The following SLC24A2 variants were observed in gnomAD, a reference collection of about 807,000 sequenced individuals.
SLC24A2 encodes the protein sodium/potassium/calcium exchanger 2.
SLC24A2 carries 36 observed loss-of-function variants against 62.0 expected under a neutral mutation model. That is an observed-to-expected ratio of 0.58 (90% CI 0.44 to 0.77). SLC24A2 has a LOEUF of 0.77. Ranked by LOEUF, SLC24A2 falls within the 30% of genes least tolerant of loss-of-function variation. SLC24A2 has a pLI of 0.00. For missense variants in SLC24A2, 846 were observed against 817.9 expected, an observed-to-expected ratio of 1.03 and a Z score of -0.42; for synonymous variants, 358 against 294.0, an observed-to-expected ratio of 1.22 and a Z score of -2.23.
At chr9:20,068,367 G>A in the SLC24A2 span, among the ~76,000 whole-genome samples, 1 of 151,922 alleles carries the variant, frequency 6.6e-6, no homozygotes, top group African/African-American at 2.4e-5. Flanking sequence ...TAGCCTTCTT[G>A]ACTTTTTAAT....
chr9:20,199,964 C>T, the SLC24A2 span, among the ~76,000 whole-genome samples: 1 of 150,488 alleles, frequency 6.6e-6, no homozygotes, highest in East Asian at 1.9e-4. Context: ...CTCCTGACCT[C>T]AGGTGATCCG....
At chr9:20,249,191 G>A in the SLC24A2 span, among the ~76,000 whole-genome samples, 2 of 152,168 alleles carry the variant, frequency 1.3e-5, no homozygotes, top group Non-Finnish European at 2.9e-5. Flanking sequence ...TAACCTGGTT[G>A]CCTCAAAGAG....
At chr9:19,751,383 A>G (rs1455965075) in intron 2 of SLC24A2, among the ~76,000 whole-genome samples, 2 of 152,168 alleles carry the variant, frequency 1.3e-5, no homozygotes, top group Non-Finnish European at 2.9e-5. Context: ...TCACCTACAA[A>G]GTAGAAGCAC....
intron 2 of SLC24A2, among the ~76,000 whole-genome samples, chr9:19,675,312 A>G (rs1361806278): frequency 6.6e-6 from 1 of 152,144 alleles, no homozygotes; most frequent in East Asian, 1.9e-4. Flanking sequence ...TGTTTATTGC[A>G]CTAGTTTTGT....
the SLC24A2 span, among the ~76,000 whole-genome samples, chr9:20,020,554 C>T: frequency 6.6e-6 from 1 of 152,002 alleles, no homozygotes; most frequent in South Asian, 2.1e-4. Flanking sequence ...GGGAACATCA[C>T]ACACTGGGGC....
chr9:19,992,797 A>G, the SLC24A2 span, among the ~76,000 whole-genome samples: 1 of 152,204 alleles, frequency 6.6e-6, no homozygotes, highest in African/African-American at 2.4e-5. Flanking sequence ...CATACAGTAA[A>G]TGTACTTGTG....
At chr9:19,979,482 T>G in the SLC24A2 span, among the ~76,000 whole-genome samples, 1 of 152,232 alleles carries the variant, frequency 6.6e-6, no homozygotes, top group African/African-American at 2.4e-5. Flanking sequence ...AGACAAATTT[T>G]GAGTGTATTG....
the SLC24A2 span, among the ~76,000 whole-genome samples, chr9:20,038,573 C>T: frequency 6.7e-6 from 1 of 149,078 alleles, no homozygotes; most frequent in East Asian, 2.0e-4. Flanking sequence ...GCTTTCTCTT[C>T]TCCCATCCTC....
the SLC24A2 span, among the ~76,000 whole-genome samples, chr9:20,052,872 T>C: frequency 6.7e-4 from 102 of 152,322 alleles, 1 homozygote; most frequent in East Asian, 0.018. Context: ...CAAAAACAGC[T>C]TAAAATAATT....
chr9:20,041,434 T>G, the SLC24A2 span, among the ~76,000 whole-genome samples: 1 of 152,232 alleles, frequency 6.6e-6, no homozygotes, highest in Non-Finnish European at 1.5e-5. Flanking sequence ...ATACTGTCAC[T>G]TACCAAATAC....
the SLC24A2 span, among the ~76,000 whole-genome samples, chr9:19,896,840 G>A: frequency 6.6e-6 from 1 of 152,074 alleles, no homozygotes; most frequent in Non-Finnish European, 1.5e-5. Flanking sequence ...GATTTGTGAG[G>A]ATTAAATTAT....
At chr9:20,182,213 A>C in the SLC24A2 span, among the ~76,000 whole-genome samples, 2 of 152,234 alleles carry the variant, frequency 1.3e-5, no homozygotes, top group Admixed American at 6.5e-5. Context: ...TGTGGAAAAC[A>C]GTGATTCCTC....
intron 2 of SLC24A2, among the ~76,000 whole-genome samples, chr9:19,681,817 A>G (rs1017044314): frequency 2.0e-5 from 3 of 152,192 alleles, no homozygotes; most frequent in Admixed American, 6.5e-5. Flanking sequence ...TTGAGGATCT[A>G]TAGATTAGTG....
At chr9:19,622,155 A>G (rs1165696165) in intron 3 of SLC24A2, 106 bp downstream of exon 3, 1 of 888,472 alleles carries the variant, frequency 1.1e-6, no homozygotes, top group Non-Finnish European at 1.9e-6. Context: ...AAGTATTCCA[A>G]GGGAGAGAGT....
the SLC24A2 span, among the ~76,000 whole-genome samples, chr9:19,963,554 T>C: frequency 9.9e-5 from 15 of 152,070 alleles, no homozygotes; most frequent in African/African-American, 2.7e-4. Flanking sequence ...AACAAGTGGG[T>C]GAAGGACATG....
At position 19,636,371 on chromosome 9, in the gene SLC24A2, CTTTCTT is replaced by C. The variant is rs1818347440; in HGVS notation, c.931-14078_931-14073del. Reference sequence around the variant, plus strand: ...TCTTTCTTTCTTTCTTTCTTTCTTTCTTTCTTTCTTTCTTTCTCCCTCTCTCTCTCT... The same window carrying C: ...TCTTTCTTTCTTTCTTTCTTTCTTTCTCTTTCTTTCTCCCTCTCTCTCTCT... On this transcript the variant is annotated intron_variant, in intron 2 of 10. Coordinates refer to ENST00000341998, the MANE Select transcript of SLC24A2 (RefSeq NM_020344.4). Among the ~76,000 whole-genome samples, 5 of 33,550 alleles carry C rather than the reference CTTTCTT, an allele frequency of 1.5e-4. 1 individual carries two copies. Among genetic ancestry groups the C allele is most frequent in the South Asian group, 2.6e-3 (2 of 756 alleles). The allele number at this position is 33,550 out of a possible 152,430, so 22.0% of individuals were successfully genotyped here.
the SLC24A2 span, among the ~76,000 whole-genome samples, chr9:19,830,518 C>T: frequency 1.1e-4 from 17 of 152,284 alleles, no homozygotes; most frequent in Middle Eastern, 3.4e-3. Flanking sequence ...GACACAGCTA[C>T]GAGTTGGACC....
chr9:20,051,460 T>C, the SLC24A2 span, among the ~76,000 whole-genome samples: 4 of 151,968 alleles, frequency 2.6e-5, no homozygotes, highest in Non-Finnish European at 5.9e-5. Flanking sequence ...CATGGATAGA[T>C]AAGATGTCAA....
At chr9:20,103,331 C>A in the SLC24A2 span, among the ~76,000 whole-genome samples, 3 of 152,088 alleles carry the variant, frequency 2.0e-5, no homozygotes, top group African/African-American at 7.2e-5. Context: ...TGTCTGACAG[C>A]TTTGAAGAGA....
Sources: allele counts gnomAD v4.1 joint callset (sites outside exome capture counted in the v4.1 genomes callset), GRCh38; gene constraint gnomAD v4.1.1; transcripts MANE v1.5; gene names NCBI Gene and HGNC (gene_info 2026-07-23, HGNC 2026-07-21).